The following LRMDA variants were observed in gnomAD, a reference collection of about 807,000 sequenced individuals.
LRMDA encodes leucine rich melanocyte differentiation associated, also known as leucine-rich melanocyte differentiation-associated protein.
LRMDA carries 18 observed loss-of-function variants against 29.8 expected under a neutral mutation model. The observed-to-expected ratio is 0.60, with a 90% CI of 0.42 to 0.90. The LOEUF is 0.90. LRMDA is among the 40% of genes least tolerant of loss of function. The pLI is 0.00. For missense variants in LRMDA, 273 were observed against 273.9 expected (o/e 1.00, Z 0.02); for synonymous variants, 125 against 109.4 (o/e 1.14, Z -0.89).
At chr10:76,409,121 ACATT>A (rs1022097043) in intron 6 of LRMDA, among the ~76,000 whole-genome samples, 1 of 152,206 alleles carries the variant, frequency 6.6e-6, no homozygotes, top group Non-Finnish European at 1.5e-5. Context: ...TTTTAAATAA[ACATT>A]CATTCATTCA....
chr10:75,650,065 A>G (rs531260205), intron 2 of LRMDA, among the ~76,000 whole-genome samples: 333 of 152,326 alleles, frequency 2.2e-3, no homozygotes, highest in Non-Finnish European at 4.1e-3. Context: ...CTCATTCCAT[A>G]GGTTGCCTTT....
intron 2 of LRMDA, among the ~76,000 whole-genome samples, chr10:75,441,531 T>G (rs191014574): frequency 1.1e-4 from 17 of 152,318 alleles, no homozygotes; most frequent in African/African-American, 4.1e-4. Context: ...GCACTGTTTC[T>G]GGAAATTTTT....
At chr10:76,300,713 A>C (rs548179458) in intron 5 of LRMDA, among the ~76,000 whole-genome samples, 1 of 152,316 alleles carries the variant, frequency 6.6e-6, no homozygotes, top group African/African-American at 2.4e-5. Context: ...TCCTCCTACA[A>C]CAGTGTAAGT....
At chr10:75,578,814 A>G (rs1360036611) in intron 2 of LRMDA, among the ~76,000 whole-genome samples, 1 of 147,528 alleles carries the variant, frequency 6.8e-6, no homozygotes, top group East Asian at 2.1e-4. Context: ...AAATGAAGGC[A>G]GAAATAAAGA....
intron 5 of LRMDA, among the ~76,000 whole-genome samples, chr10:76,182,054 G>A (rs1443505059): frequency 1.3e-5 from 2 of 152,142 alleles, no homozygotes; most frequent in African/African-American, 4.8e-5. Flanking sequence ...ACCTCAGGCT[G>A]TAGTTCTGAG....
intron 4 of LRMDA, among the ~76,000 whole-genome samples, chr10:76,051,743 T>G (rs2132046522): frequency 6.6e-6 from 1 of 152,246 alleles, no homozygotes; most frequent in East Asian, 1.9e-4. Flanking sequence ...ATAGAAAAAC[T>G]GAGGCTCAGA....
At chr10:75,896,706 G>C (rs914391956) in intron 2 of LRMDA, among the ~76,000 whole-genome samples, 2 of 152,188 alleles carry the variant, frequency 1.3e-5, no homozygotes, top group Non-Finnish European at 2.9e-5. Flanking sequence ...TCGCTGGGCT[G>C]TGAATTTCTG....
chr10:75,703,648 C>T (rs2132171475), intron 2 of LRMDA, among the ~76,000 whole-genome samples: 1 of 152,348 alleles, frequency 6.6e-6, no homozygotes, highest in African/African-American at 2.4e-5. Flanking sequence ...CCTCCTGTCA[C>T]ATCCTTCATG....
At chr10:76,344,028 G>T (rs111557982) in intron 6 of LRMDA, among the ~76,000 whole-genome samples, 1 of 151,780 alleles carries the variant, frequency 6.6e-6, no homozygotes, top group Admixed American at 6.6e-5. Flanking sequence ...CACCATGTTG[G>T]CCAAGCTGGT....
At chr10:76,419,028 C>G (rs1036268010) in intron 6 of LRMDA, among the ~76,000 whole-genome samples, 1 of 152,098 alleles carries the variant, frequency 6.6e-6, no homozygotes, top group Non-Finnish European at 1.5e-5. Flanking sequence ...TTCACACGAT[C>G]AGCATCTCAC....
At chr10:76,190,468 C>T (rs1478350115) in intron 5 of LRMDA, among the ~76,000 whole-genome samples, 3 of 152,090 alleles carry the variant, frequency 2.0e-5, no homozygotes, top group Non-Finnish European at 4.4e-5. Flanking sequence ...TTTGGTAAAT[C>T]TTCATGTTTT....
At chr10:76,429,797 C>G (rs1842172126) in intron 6 of LRMDA, among the ~76,000 whole-genome samples, 1 of 152,132 alleles carries the variant, frequency 6.6e-6, no homozygotes, top group Non-Finnish European at 1.5e-5. Flanking sequence ...GGCCACCCAG[C>G]TTCCCTGCTG....
intron 6 of LRMDA, among the ~76,000 whole-genome samples, chr10:76,537,797 T>C (rs1006861879): frequency 6.6e-6 from 1 of 152,200 alleles, no homozygotes; most frequent in Non-Finnish European, 1.5e-5. Flanking sequence ...TGTGGACATC[T>C]TGAGTTATTC....
chr10:76,277,414 C>T (rs765008966), intron 5 of LRMDA, among the ~76,000 whole-genome samples: 7 of 152,196 alleles, frequency 4.6e-5, no homozygotes, highest in African/African-American at 7.2e-5. Flanking sequence ...CTTACCCTCT[C>T]ATGCAAGAGG....
At chr10:76,315,074 G>A (rs1399996600) in intron 5 of LRMDA, among the ~76,000 whole-genome samples, 1 of 152,194 alleles carries the variant, frequency 6.6e-6, no homozygotes, top group East Asian at 1.9e-4. Context: ...CTATGGAATC[G>A]AGCTGTGTTA....
intron 2 of LRMDA, among the ~76,000 whole-genome samples, chr10:75,798,730 T>C (rs1843696454): frequency 6.6e-6 from 1 of 152,132 alleles, no homozygotes; most frequent in South Asian, 2.1e-4. Flanking sequence ...CCTGATGTTT[T>C]AGAAGTGTAT....
chr10:76,121,628 T>G (rs548501665), intron 5 of LRMDA, among the ~76,000 whole-genome samples: 1 of 152,246 alleles, frequency 6.6e-6, no homozygotes, highest in East Asian at 1.9e-4. Flanking sequence ...GCCAACTTGG[T>G]TTTTTGCTTC....
chr10:76,272,236 A>G (rs1042088516), intron 5 of LRMDA, among the ~76,000 whole-genome samples: 2 of 152,204 alleles, frequency 1.3e-5, no homozygotes, highest in East Asian at 1.9e-4. Flanking sequence ...GAAGAGGGTT[A>G]CAATTTGTCT....
At chr10:75,869,197 C>T (rs1009289704) in intron 2 of LRMDA, among the ~76,000 whole-genome samples, 3 of 152,176 alleles carry the variant, frequency 2.0e-5, no homozygotes, top group Non-Finnish European at 2.9e-5. Flanking sequence ...CTTTGAGGCA[C>T]AGGGAACATT....
Sources: allele counts gnomAD v4.1 joint callset (sites outside exome capture counted in the v4.1 genomes callset), GRCh38; gene constraint gnomAD v4.1.1; transcripts MANE v1.5; gene names NCBI Gene and HGNC (gene_info 2026-07-23, HGNC 2026-07-21).